The following SYNE1 variants were observed in gnomAD, a reference collection of about 807,000 sequenced individuals.
The protein encoded by SYNE1 is spectrin repeat containing nuclear envelope protein 1, also known as nesprin-1.
A neutral mutation model predicts 1,111.0 loss-of-function variants in SYNE1; 616 were observed. That is an observed-to-expected ratio of 0.55 (90% CI 0.52 to 0.59). SYNE1 has a LOEUF of 0.59. Ranked by LOEUF, SYNE1 falls within the 20% of genes least tolerant of loss-of-function variation. The probability of loss-of-function intolerance (pLI) is 0.00; values close to 1 mark genes in which losing one functional copy is unlikely to be tolerated. For synonymous variants in SYNE1, 3,855 were observed against 3,825.8 expected (o/e 1.01, Z -0.28); for missense variants, 10,006 against 10,417.0 (o/e 0.96, Z 1.72).
intron 3 of SYNE1, among the ~76,000 whole-genome samples, chr6:152,611,530 T>C (rs2099631340): frequency 6.6e-6 from 1 of 152,002 alleles, no homozygotes; most frequent in Admixed American, 6.6e-5. Context: ...AGACTTAGAC[T>C]CCCACAGAAT....
intron 136 of SYNE1, 80 bp downstream of exon 136, chr6:152,149,397 C>T: frequency 6.5e-7 from 1 of 1,549,202 alleles, no homozygotes; most frequent in Non-Finnish European, 8.9e-7. Flanking sequence ...TGAGCTCTCA[C>T]CCACTATCAA....
In SYNE1 at chr6:152,204,027, G is replaced by GA. The variant is rs368690215; in HGVS notation, c.23020-2079dup. 7.6e-3 allele frequency among the ~76,000 whole-genome samples: 1,151 copies of GA among 152,054 alleles called. 25 individuals carry two copies. The highest frequency in any genetic ancestry group is 0.026 in the African/African-American group (1,069 of 41,444). ...TCTCAATAAAACTATCAAACATCCTGAATTGATCAACATACAGTTGATAAA... is the reference window on the plus strand; with the variant it reads ...TCTCAATAAAACTATCAAACATCCTGAAATTGATCAACATACAGTTGATAAA... On this transcript the variant is annotated intron_variant, in intron 126 of 145. Transcript: ENST00000367255.
intron 18 of SYNE1, chr6:152,464,867 T>C (rs80134660): frequency 0.028 from 7,859 of 282,968 alleles, 165 homozygotes; most frequent in Middle Eastern, 0.037. Flanking sequence ...ACAAATGTCA[T>C]GGTCCAGTTG....
chr6:152,524,578 T>C (rs1275358472), intron 5 of SYNE1, among the ~76,000 whole-genome samples: 1 of 152,082 alleles, frequency 6.6e-6, no homozygotes, highest in Non-Finnish European at 1.5e-5. Context: ...CATATGCCTA[T>C]ATACATTCCA....
chr6:152,607,441 T>C (rs2099619060), intron 3 of SYNE1, among the ~76,000 whole-genome samples: 1 of 152,134 alleles, frequency 6.6e-6, no homozygotes, highest in Admixed American at 6.5e-5. Flanking sequence ...TCATGTTTGT[T>C]GGCCAACATC....
intron 91 of SYNE1, among the ~76,000 whole-genome samples, chr6:152,307,804 C>T (rs565474300): frequency 6.3e-4 from 96 of 152,126 alleles, no homozygotes; most frequent in African/African-American, 2.3e-3. Flanking sequence ...ACTAATATGT[C>T]AAAGAAGAAA....
chr6:152,529,684 C>T (rs2099186585), intron 4 of SYNE1, among the ~76,000 whole-genome samples: 1 of 152,176 alleles, frequency 6.6e-6, no homozygotes, highest in Non-Finnish European at 1.5e-5. Context: ...CCAGGAGAAA[C>T]TATGCACAGT....
chr6:152,189,439 G>A, intron 127 of SYNE1, 32 bp from the exon 128 acceptor site: 1 of 1,608,914 alleles, frequency 6.2e-7, no homozygotes, highest in Non-Finnish European at 8.5e-7. Flanking sequence ...AATACCCACG[G>A]ACATCTCCTG....
chr6:152,229,568 G>A (rs1034420733), intron 115 of SYNE1, among the ~76,000 whole-genome samples: 1 of 152,128 alleles, frequency 6.6e-6, no homozygotes, highest in African/African-American at 2.4e-5. Context: ...CCACTGTGAA[G>A]TGCTTGTTCA....
Position 152,326,362 on chromosome 6 carries a change from G to T in SYNE1, c.15227C>A (p.Ala5076Asp). Residue 5076 changes from alanine (A) to aspartate (D), a missense_variant, in exon 79 of 146, where the codon GCT becomes GAT. Physicochemically the swap from Ala to Asp is moderately radical, Grantham distance 126 (BLOSUM62 -2). Around this residue, in one of 7 missense-constraint regions of SYNE1, gnomAD observed 4,955 missense variants for 5,017.2 expected, o/e 0.99. Coordinates refer to ENST00000367255, the MANE Select transcript of SYNE1 (RefSeq NM_182961.4). ...TGKEDLEQKV[A>D]SLELRSQRMS... The stretch of plus-strand genomic sequence containing the variant: ...CCTCTGGCTCCTGAGTTCCAGAGAA[G>T]CCACTTTCTGTTCTAGGTCTTCTTT... The T allele has an allele frequency of 6.2e-7, 1 of 1,614,176 alleles. No homozygotes were observed. Among genetic ancestry groups the T allele is most frequent in the Non-Finnish European group, 8.5e-7 (1 of 1,180,030 alleles).
chr6:152,602,194 G>A (rs1339984095), intron 3 of SYNE1, among the ~76,000 whole-genome samples: 1 of 152,140 alleles, frequency 6.6e-6, no homozygotes, highest in Admixed American at 6.5e-5. Flanking sequence ...TAACCTCCAG[G>A]ACTTCAGAAT....
At chr6:152,417,359 G>A (rs757929923) in intron 40 of SYNE1, among the ~76,000 whole-genome samples, 15 of 152,136 alleles carry the variant, frequency 9.9e-5, no homozygotes, top group Admixed American at 6.5e-4. Context: ...TTATCCAGGC[G>A]TGGTGGTGGG....
chr6:152,258,740 T>C (rs936685859), intron 101 of SYNE1, among the ~76,000 whole-genome samples: 36 of 151,200 alleles, frequency 2.4e-4, no homozygotes, highest in African/African-American at 8.8e-4. Context: ...TTTTTCTTTT[T>C]TTCTTCTTCT....
chr6:152,249,706 T>A (rs543596575), intron 104 of SYNE1, among the ~76,000 whole-genome samples: 1 of 152,176 alleles, frequency 6.6e-6, no homozygotes, highest in African/African-American at 2.4e-5. Context: ...CCTCCCTCCA[T>A]CAGTTTCTTC....
At chr6:152,214,043 A>T (rs370884090) in intron 122 of SYNE1, among the ~76,000 whole-genome samples, 1 of 152,158 alleles carries the variant, frequency 6.6e-6, no homozygotes, top group East Asian at 1.9e-4. Context: ...TCTACTAAAA[A>T]TACAAAAATT....
Position 152,352,111 on chromosome 6 carries a change from T to C in SYNE1, c.11496A>G (p.Ile3832Met), listed in dbSNP as rs1554518035. 13 of 1,614,138 alleles carry C rather than the reference T, an allele frequency of 8.1e-6. No homozygotes were observed. The highest frequency in any genetic ancestry group is 1.0e-5 in the Non-Finnish European group (12 of 1,180,054). ...SDKCKALTQWIAEYQEILHVP... is the reference protein window; with the variant it reads ...SDKCKALTQWMAEYQEILHVP... ...CATGTAGAATTTCCTGGTATTCTGC[T>C]ATCCACTGTGTCAGTGCTTTGCATT... Residue 3832 changes from isoleucine (I) to methionine (M), a missense_variant, in exon 70 of 146, where the codon ATA (isoleucine) becomes ATG (methionine). Coordinates refer to ENST00000367255, the MANE Select transcript of SYNE1 (RefSeq NM_182961.4).
chr6:152,545,375 T>C (rs1332495474), intron 3 of SYNE1, among the ~76,000 whole-genome samples: 1 of 151,846 alleles, frequency 6.6e-6, no homozygotes, highest in African/African-American at 2.4e-5. Context: ...AGGTCAAGAG[T>C]TTGAGACTAG....
At chr6:152,265,098 C>G (rs529807325) in intron 100 of SYNE1, among the ~76,000 whole-genome samples, 16 of 149,850 alleles carry the variant, frequency 1.1e-4, no homozygotes, top group African/African-American at 3.7e-4. Context: ...CCCAGCTACT[C>G]GAGAGGCTAA....
At chr6:152,547,875 C>A (rs1405679911) in intron 3 of SYNE1, among the ~76,000 whole-genome samples, 1 of 152,034 alleles carries the variant, frequency 6.6e-6, no homozygotes, top group Non-Finnish European at 1.5e-5. Flanking sequence ...GAATAATATT[C>A]AATTGTATGT....
Sources: allele counts gnomAD v4.1 joint callset (sites outside exome capture counted in the v4.1 genomes callset), GRCh38; gene constraint gnomAD v4.1.1; regional missense constraint gnomAD v4.1.1; transcripts MANE v1.5; gene names NCBI Gene and HGNC (gene_info 2026-07-23, HGNC 2026-07-21).